ARL9: variants seen among roughly 807,000 people sequenced by gnomAD.
The protein encoded by ARL9 is ADP-ribosylation factor-like protein 9.
A neutral mutation model predicts 27.0 loss-of-function variants in ARL9; 14 were observed. The observed-to-expected ratio is 0.52, with a 90% CI of 0.34 to 0.81. The LOEUF is 0.81. Ranked by LOEUF, ARL9 falls within the 30% of genes least tolerant of loss-of-function variation. The probability of loss-of-function intolerance (pLI) is 0.01; values close to 1 mark genes in which losing one functional copy is unlikely to be tolerated. For missense variants in ARL9, 294 were observed against 290.0 expected (o/e 1.01, Z -0.10); for synonymous variants, 106 against 108.7 (o/e 0.98, Z 0.15).
chr4:56,518,221 G>T (rs1721818873), intron 2 of ARL9, among the ~76,000 whole-genome samples: 1 of 151,948 alleles, frequency 6.6e-6, no homozygotes, highest in Non-Finnish European at 1.5e-5. Flanking sequence ...TATTTTTGTA[G>T]AGACAGGGCC....
intron 1 of ARL9, among the ~76,000 whole-genome samples, chr4:56,510,531 G>A (rs183073638): frequency 3.3e-5 from 5 of 152,208 alleles, no homozygotes; most frequent in Admixed American, 2.6e-4. Flanking sequence ...ATGAATTCAG[G>A]TGCAGTCTCC....
chr4:56,518,848 A>C lies in ARL9; in HGVS notation c.613A>C (p.Lys205Gln), dbSNP rs112132742. The C allele has an allele frequency of 6.2e-7, 1 of 1,613,206 alleles. No homozygotes were observed. The highest frequency in any genetic ancestry group is 1.1e-5 in the South Asian group (1 of 90,848). The change falls in exon 3 of 4, where the codon AAA becomes CAA. Residue 205 changes from lysine to glutamine, a missense_variant. Physicochemically the swap from Lys to Gln is moderately conservative, Grantham distance 53 (BLOSUM62 1). Transcript: ENST00000640821. ...ACTTCCTCTGGTTGTGTTTGCAAAC[A>C]AACAGGTAAAAATCTGTGCAAATAT... The part of the protein sequence containing the change: ...PVLPLVVFAN[K>Q]QDLEAAYHIT...
chr4:56,508,342 C>G (rs1239721805), intron 1 of ARL9, among the ~76,000 whole-genome samples: 1 of 152,082 alleles, frequency 6.6e-6, no homozygotes, highest in East Asian at 1.9e-4. Flanking sequence ...AGTTTAAGAG[C>G]CATCAAAGAT....
rs1034672187 is a variant in ARL9, at chr4:56,506,031, A to C, written c.169A>C (p.Arg57=). ...AAAGGGAAAAGAGAAAGAGGAAAAGAGGACAAAGCAAGGGAAGGAGACAAA... is the reference window on the plus strand; with the variant it reads ...AAAGGGAAAAGAGAAAGAGGAAAAGCGGACAAAGCAAGGGAAGGAGACAAA... ...RRKGKEKEEK[R]TKQGKETNKE... Residue 57 remains arginine (R), a synonymous_variant, in exon 1 of 4, where the codon AGG becomes CGG. Coordinates refer to ENST00000640821, the MANE Select transcript of ARL9 (RefSeq NM_001363794.2). 82 of 1,211,586 alleles carry C rather than the reference A, an allele frequency of 6.8e-5. No homozygotes were observed. In the African/African-American group the frequency reaches 1.3e-3, roughly 20 times the overall value. The allele number at this position is 1,211,586 out of a possible 1,614,324, so 75.1% of individuals were successfully genotyped here. A position where few individuals can be genotyped will look rare whatever the true frequency, so the allele number is the denominator to read the frequency against.
chr4:56,516,561 C>A (rs1721769828), intron 2 of ARL9, among the ~76,000 whole-genome samples: 1 of 118,870 alleles, frequency 8.4e-6, no homozygotes. Flanking sequence ...TCCACTTGAT[C>A]AGTAAGTAGA....
intron 2 of ARL9, among the ~76,000 whole-genome samples, chr4:56,516,584 C>CAAAAAA (rs10718013): frequency 1.5e-3 from 177 of 120,498 alleles, no homozygotes; most frequent in Non-Finnish European, 2.0e-3. Context: ...TCAAATTAGG[C>CAAAAAA]AAAAAAAAAA....
rs1453017266 is a variant in ARL9, at chr4:56,505,801, C to T, written c.-62C>T. ...TGCACCTCGGGAGCCACACCTGGGG[C>T]CCAGAGCCACCGCTCAGCACGCGGG... On this transcript the variant is annotated 5_prime_UTR_variant, in exon 1 of 4. Transcript: ENST00000640821. The T allele has an allele frequency of 9.9e-6, 13 of 1,319,236 alleles. No homozygotes were observed. Among genetic ancestry groups the T allele is most frequent in the Non-Finnish European group, 9.6e-7 (1 of 1,038,100 alleles). 81.7% of individuals were successfully genotyped at this position (1,319,236 alleles called of 1,614,324 possible).
At chr4:56,507,966 A>C (rs1179098403) in intron 1 of ARL9, among the ~76,000 whole-genome samples, 1 of 61,270 alleles carries the variant, frequency 1.6e-5, no homozygotes, top group Non-Finnish European at 2.8e-5. Flanking sequence ...ATTCTGTATC[A>C]AAAAAAAAAA....
upstream of ARL9, chr4:56,505,325 T>C (rs928840363): frequency 2.2e-6 from 1 of 455,362 alleles, no homozygotes; most frequent in Non-Finnish European, 4.4e-6. Flanking sequence ...ACATGAGCAG[T>C]ACAGGCTCAT....
upstream of ARL9, chr4:56,505,312 A>C (rs970739031): frequency 1.4e-5 from 6 of 440,194 alleles, no homozygotes; most frequent in Non-Finnish European, 2.8e-5. Context: ...GGAGAAATAC[A>C]TGACATGAGC....
In ARL9 at chr4:56,521,711, T is replaced by A. The variant is rs116346536; in HGVS notation, c.619-1986T>A. 4.3e-3 allele frequency among the ~76,000 whole-genome samples: 660 copies of A among 152,350 alleles called. 10 individuals carry two copies. The highest frequency in any genetic ancestry group is 0.015 in the African/African-American group (636 of 41,574). On this transcript the variant is annotated intron_variant, in intron 3 of 3. Transcript: ENST00000640821. ...TTTATTATTCTAATGTGCATTTCCT[T>A]AACTACTTGTGAGTTTGAACATTTT...
intron 2 of ARL9, among the ~76,000 whole-genome samples, chr4:56,515,579 A>G (rs1344388285): frequency 6.6e-6 from 1 of 152,198 alleles, no homozygotes; most frequent in Admixed American, 6.5e-5. Flanking sequence ...ACTTATTTAC[A>G]AATGATATAA....
At chr4:56,515,071 T>C (rs1294042731) in intron 2 of ARL9, among the ~76,000 whole-genome samples, 1 of 151,958 alleles carries the variant, frequency 6.6e-6, no homozygotes, top group Non-Finnish European at 1.5e-5. Flanking sequence ...TGGCCCAACA[T>C]GGTGAAACCC....
At chr4:56,509,542 GT>G (rs372463247) in intron 1 of ARL9, among the ~76,000 whole-genome samples, 4 of 143,274 alleles carry the variant, frequency 2.8e-5, no homozygotes, top group Admixed American at 1.4e-4. Context: ...CATCAGTTTA[GT>G]TTTTTTTTTG....
chr4:56,521,525 A>G (rs903690903), intron 3 of ARL9, among the ~76,000 whole-genome samples: 5 of 152,112 alleles, frequency 3.3e-5, no homozygotes, highest in African/African-American at 1.2e-4. Context: ...ATTTGTACAT[A>G]TTCTGTTTTA....
At chr4:56,522,277 T>C (rs539050829) in intron 3 of ARL9, among the ~76,000 whole-genome samples, 2 of 151,904 alleles carry the variant, frequency 1.3e-5, no homozygotes, top group Admixed American at 1.3e-4. Context: ...AAAAATTAGC[T>C]GGGTGTGGTG....
intron 2 of ARL9, among the ~76,000 whole-genome samples, chr4:56,516,199 A>G (rs761879724): frequency 1.3e-5 from 2 of 152,210 alleles, no homozygotes; most frequent in African/African-American, 4.8e-5. Flanking sequence ...CCTGCCTCCT[A>G]TGCATACAAA....
chr4:56,505,812 C>A lies in ARL9; in HGVS notation c.-51C>A, dbSNP rs766937966. On this transcript the variant is annotated 5_prime_UTR_variant, in exon 1 of 4. Coordinates refer to ENST00000640821, the MANE Select transcript of ARL9 (RefSeq NM_001363794.2). ...AGCCACACCTGGGGCCCAGAGCCAC[C>A]GCTCAGCACGCGGGCACGCGGCGGG... The A allele has an allele frequency of 4.4e-5, 57 of 1,296,976 alleles. No homozygotes were observed. Among genetic ancestry groups the A allele is most frequent in the Non-Finnish European group, 4.6e-5 (47 of 1,025,374 alleles). 80.3% of individuals were successfully genotyped at this position (1,296,976 alleles called of 1,614,324 possible).
At chr4:56,510,057 A>C (rs1721590388) in intron 1 of ARL9, among the ~76,000 whole-genome samples, 1 of 151,992 alleles carries the variant, frequency 6.6e-6, no homozygotes, top group Non-Finnish European at 1.5e-5. Flanking sequence ...TGTGATACTT[A>C]TATTAGAATT....
Sources: allele counts gnomAD v4.1 joint callset (sites outside exome capture counted in the v4.1 genomes callset), GRCh38; gene constraint gnomAD v4.1.1; transcripts MANE v1.5; gene names NCBI Gene and HGNC (gene_info 2026-07-23, HGNC 2026-07-21).